The following IPCEF1 variants were observed in gnomAD, a reference collection of about 807,000 sequenced individuals.
IPCEF1 encodes interaction protein for cytohesin exchange factors 1.
Under a neutral mutation model 50.9 loss-of-function variants are expected in IPCEF1, and 31 were observed. The observed-to-expected ratio is 0.61, with a 90% confidence interval of 0.46 to 0.82. The LOEUF is 0.82. Among genes scored for constraint, IPCEF1 ranks in the 40% least tolerant of loss-of-function variants. The pLI is 0.00. For synonymous variants in IPCEF1, 181 were observed against 192.0 expected (o/e 0.94, Z 0.47); for missense variants, 458 against 514.0 (o/e 0.89, Z 1.05).
intron 2 of IPCEF1, among the ~76,000 whole-genome samples, chr6:154,280,576 A>G (rs1250322731): frequency 1.3e-5 from 2 of 152,258 alleles, no homozygotes; most frequent in Non-Finnish European, 2.9e-5. Flanking sequence ...ACAAAAGAAT[A>G]TAAACAATAT....
intron 1 of IPCEF1, among the ~76,000 whole-genome samples, chr6:154,296,640 T>C (rs1352254018): frequency 2.0e-5 from 3 of 151,984 alleles, no homozygotes; most frequent in South Asian, 2.1e-4. Flanking sequence ...CCATCCTGGC[T>C]AACACAGTGA....
chr6:154,341,685 C>T (rs1032713256), intron 1 of IPCEF1, among the ~76,000 whole-genome samples: 2 of 151,968 alleles, frequency 1.3e-5, no homozygotes, highest in Non-Finnish European at 2.9e-5. Context: ...AGGTTCAATG[C>T]GTAAGGAAAG....
At chr6:154,223,319 G>A (rs548471826) in intron 5 of IPCEF1, 76 bp from the exon 6 acceptor site, 1 of 1,087,564 alleles carries the variant, frequency 9.2e-7, no homozygotes, top group Admixed American at 1.9e-5. Flanking sequence ...CATATACATG[G>A]AATAGGGATG....
chr6:154,272,058 C>T (rs1037152088), intron 2 of IPCEF1, among the ~76,000 whole-genome samples: 1 of 152,200 alleles, frequency 6.6e-6, no homozygotes, highest in Non-Finnish European at 1.5e-5. Flanking sequence ...CCAACTCTGC[C>T]ACTTGTTAAA....
intron 1 of IPCEF1, among the ~76,000 whole-genome samples, chr6:154,346,180 A>G (rs1562297586): frequency 6.6e-6 from 1 of 152,194 alleles, no homozygotes; most frequent in East Asian, 1.9e-4. Flanking sequence ...TCACATGTAC[A>G]TTATTAAAAA....
chr6:154,222,889 C>G (rs1348827443), intron 6 of IPCEF1: 2 of 436,824 alleles, frequency 4.6e-6, no homozygotes, highest in African/African-American at 3.9e-5. Context: ...CCCTGCCAGT[C>G]CTGGAGGGGG....
chr6:154,271,562 G>A (rs1781902921), intron 2 of IPCEF1, among the ~76,000 whole-genome samples: 1 of 152,064 alleles, frequency 6.6e-6, no homozygotes, highest in Non-Finnish European at 1.5e-5. Flanking sequence ...TACCATCAAT[G>A]TTTACAATAT....
chr6:154,248,862 A>G (rs1245411056), intron 3 of IPCEF1, among the ~76,000 whole-genome samples: 1 of 152,166 alleles, frequency 6.6e-6, no homozygotes, highest in Non-Finnish European at 1.5e-5. Context: ...GAGTATGTGT[A>G]ATATAATATT....
chr6:154,327,344 AC>A (rs1783547094), intron 1 of IPCEF1, among the ~76,000 whole-genome samples: 1 of 152,218 alleles, frequency 6.6e-6, no homozygotes, highest in African/African-American at 2.4e-5. Flanking sequence ...TCCAGAGTCT[AC>A]AAGGAACTTA....
intron 10 of IPCEF1, among the ~76,000 whole-genome samples, chr6:154,181,537 A>C (rs1562527296): frequency 6.6e-6 from 1 of 152,236 alleles, no homozygotes; most frequent in Admixed American, 6.5e-5. Context: ...TTTTGAATGA[A>C]AGTCAGTGAA....
chr6:154,224,180 TTTGAAAATACAATC>T (rs1779075750), intron 5 of IPCEF1, among the ~76,000 whole-genome samples: 1 of 152,216 alleles, frequency 6.6e-6, no homozygotes, highest in Non-Finnish European at 1.5e-5. Context: ...AAAAATGGAT[TTTGAAAATACAATC>T]TTAATTTTAC....
At chr6:154,207,343 A>C (rs577374199) in intron 9 of IPCEF1, among the ~76,000 whole-genome samples, 1 of 152,340 alleles carries the variant, frequency 6.6e-6, no homozygotes, top group South Asian at 2.1e-4. Context: ...AATCTTGAGG[A>C]GAAAGGGTGA....
intron 5 of IPCEF1, among the ~76,000 whole-genome samples, chr6:154,237,482 C>T (rs569938066): frequency 3.5e-4 from 54 of 152,298 alleles, no homozygotes; most frequent in African/African-American, 1.3e-3. Context: ...CTCCTGCATC[C>T]TAAAATCTCA....
intron 5 of IPCEF1, among the ~76,000 whole-genome samples, chr6:154,231,882 A>C (rs899996934): frequency 6.6e-6 from 1 of 152,244 alleles, no homozygotes; most frequent in Non-Finnish European, 1.5e-5. Context: ...ATTAAAAACA[A>C]ATAGAAACAA....
At chr6:154,185,098 A>G (rs1362425191) in intron 10 of IPCEF1, among the ~76,000 whole-genome samples, 1 of 152,198 alleles carries the variant, frequency 6.6e-6, no homozygotes, top group East Asian at 1.9e-4. Context: ...TAAAAAATAT[A>G]TCCATTGGTG....
chr6:154,220,386 G>A (rs536826118), intron 7 of IPCEF1, among the ~76,000 whole-genome samples: 3 of 152,304 alleles, frequency 2.0e-5, no homozygotes, highest in East Asian at 3.9e-4. Context: ...GACCAGGTGC[G>A]GTGGCTTACG....
chr6:154,222,207 A>G (rs914319618), intron 6 of IPCEF1, among the ~76,000 whole-genome samples: 1 of 152,270 alleles, frequency 6.6e-6, no homozygotes, highest in South Asian at 2.1e-4. Context: ...ATAACAAATG[A>G]GAAGGGCTTC....
At chr6:154,291,871 G>A (rs1225631091) in intron 1 of IPCEF1, among the ~76,000 whole-genome samples, 1 of 151,934 alleles carries the variant, frequency 6.6e-6, no homozygotes, top group African/African-American at 2.4e-5. Flanking sequence ...TTTTAGTAGA[G>A]ACGGGGTTTC....
At chr6:154,235,986 A>G (rs1780100735) in intron 5 of IPCEF1, among the ~76,000 whole-genome samples, 2 of 152,222 alleles carry the variant, frequency 1.3e-5, no homozygotes, top group Admixed American at 1.3e-4. Flanking sequence ...TGCTATGCAA[A>G]ATAGCATGGT....
Sources: gnomAD v4.1 joint callset for allele counts (sites outside exome capture counted in the v4.1 genomes callset) on GRCh38, gnomAD v4.1.1 for gene constraint, MANE v1.5 for transcripts, NCBI Gene and HGNC (gene_info 2026-07-23, HGNC 2026-07-21) for gene names.